Variants in CREBBP observed in about 807,000 individuals in gnomAD.
The protein encoded by CREBBP is CREB-binding protein.
In CREBBP, 19 loss-of-function variants were observed where a neutral mutation model predicts 265.0. The ratio of observed to expected loss-of-function variants is 0.07; its 90% confidence interval spans 0.05 to 0.11. The LOEUF (loss-of-function observed/expected upper bound fraction) is 0.11, where lower values mean the gene tolerates loss of function less well. Among genes scored for constraint, CREBBP ranks in the 10% least tolerant of loss-of-function variants. CREBBP has a pLI of 1.00. For synonymous variants in CREBBP, 1,457 were observed against 1,223.7 expected (o/e 1.19, Z -3.98); for missense variants, 2,525 against 3,219.0 (o/e 0.78, Z 5.22).
chr16:3,729,023 C>A lies in CREBBP; in HGVS notation c.6024G>T (p.Val2008=), dbSNP rs2151306646. Residue 2008 remains valine (V), a synonymous_variant, in exon 31 of 31, where the codon GTG becomes GTT. Coordinates refer to ENST00000262367, the MANE Select transcript of CREBBP (RefSeq NM_004380.3). The part of the protein sequence containing the change: ...VSLNVPRPNQ[V]SGPVMPSMPP... ...GCATGCTGGGCATGACGGGCCCGCT[C>A]ACCTGGTTGGGTCGGGGCACATTCA... 1 of 1,591,282 alleles carries A rather than the reference C, an allele frequency of 6.3e-7. No individual in the cohort carries two copies. Among genetic ancestry groups the A allele is most frequent in the Non-Finnish European group, 8.5e-7 (1 of 1,174,324 alleles).
At chr16:3,744,295 AG>A (rs2052288458) in intron 23 of CREBBP, among the ~76,000 whole-genome samples, 1 of 152,152 alleles carries the variant, frequency 6.6e-6, no homozygotes, top group Non-Finnish European at 1.5e-5. Context: ...GACCCACGGC[AG>A]CCCACATAGG....
rs2054752330 is a variant in CREBBP, at chr16:3,849,430, TGTGTGTGTG to T, written c.798+858_798+866del. Among the ~76,000 whole-genome samples, 6 of 8,576 alleles carry T rather than the reference TGTGTGTGTG, an allele frequency of 7.0e-4. No homozygotes were observed. In the Admixed American group the frequency reaches 9.8e-3, roughly 14 times the overall value. 5.6% of individuals were successfully genotyped at this position (8,576 alleles called of 152,430 possible). A position where few individuals can be genotyped will look rare whatever the true frequency, so the allele number is the denominator to read the frequency against. ...GTGTGTGTGTGTGTGTGTGTGTGTG[TGTGTGTGTG>T]TGTGTGTGTGTGTGTGTGTGTGTGT... is the stretch of plus-strand genomic sequence containing the variant. On this transcript the variant is annotated intron_variant, in intron 2 of 30. Coordinates refer to ENST00000262367, the MANE Select transcript of CREBBP (RefSeq NM_004380.3).
At position 3,727,756 on chromosome 16, in the gene CREBBP, T is replaced by C. The variant is rs775691341; in HGVS notation, c.7291A>G (p.Thr2431Ala). 6.2e-7 allele frequency: 1 copy of C among 1,614,118 alleles called. No individual in the cohort carries two copies. Among genetic ancestry groups the C allele is most frequent in the Non-Finnish European group, 8.5e-7 (1 of 1,180,014 alleles). ...SSELSLVGDTTGDTLEKFVEG... is the reference protein window; with the variant it reads ...SSELSLVGDTAGDTLEKFVEG... ...ACAAACTTCTCTAGCGTGTCCCCCGTGGTGTCCCCGACCAGGGACAGTTCG... is the reference window on the plus strand; with the variant it reads ...ACAAACTTCTCTAGCGTGTCCCCCGCGGTGTCCCCGACCAGGGACAGTTCG... The change falls in exon 31 of 31, where the codon ACG becomes GCG. Residue 2431 changes from threonine (T) to alanine (A), a missense_variant. Coordinates refer to ENST00000262367, the MANE Select transcript of CREBBP (RefSeq NM_004380.3).
chr16:3,835,002 C>CA (rs1389662513), intron 2 of CREBBP, among the ~76,000 whole-genome samples: 1 of 151,960 alleles, frequency 6.6e-6, no homozygotes, highest in African/African-American at 2.4e-5. Context: ...AGTAAAAATA[C>CA]AAAAAATTGG....
At chr16:3,761,352 A>C (rs2052712946) in intron 16 of CREBBP, among the ~76,000 whole-genome samples, 1 of 152,234 alleles carries the variant, frequency 6.6e-6, no homozygotes. Flanking sequence ...GGGAAGCGGC[A>C]AGCATCAGGT....
intron 1 of CREBBP, among the ~76,000 whole-genome samples, chr16:3,859,059 ATTTT>A (rs201630274): frequency 2.0e-5 from 3 of 149,698 alleles, no homozygotes; most frequent in Admixed American, 2.0e-4. Flanking sequence ...CTTTCTTTAG[ATTTT>A]TTTTTCATGG....
chr16:3,733,450 G>A (rs892717485), intron 28 of CREBBP, among the ~76,000 whole-genome samples: 5 of 151,832 alleles, frequency 3.3e-5, no homozygotes, highest in African/African-American at 1.2e-4. Flanking sequence ...TTCAGAGACA[G>A]AAAAGGGACG....
At chr16:3,774,490 T>C in intron 12 of CREBBP, 79 bp downstream of exon 12, 1 of 1,587,740 alleles carries the variant, frequency 6.3e-7, no homozygotes, top group South Asian at 1.1e-5. Flanking sequence ...GATTCTCAAG[T>C]GACATGAATT....
chr16:3,879,997 G>A lies in CREBBP; in HGVS notation c.-81C>T, dbSNP rs1453517233. 2.2e-6 allele frequency: 3 copies of A among 1,395,330 alleles called. No homozygotes were observed. 86.4% of individuals were successfully genotyped at this position (1,395,330 alleles called of 1,614,324 possible). On this transcript the variant is annotated 5_prime_UTR_variant, in exon 1 of 31. Coordinates refer to ENST00000262367, the MANE Select transcript of CREBBP (RefSeq NM_004380.3). ...CGGACGGGGGTCGGGGGCCCTGCCGGCTGCGAGGGAGAGGAGCGAGCGCGG... is the reference window on the plus strand; with the variant it reads ...CGGACGGGGGTCGGGGGCCCTGCCGACTGCGAGGGAGAGGAGCGAGCGCGG...
intron 2 of CREBBP, among the ~76,000 whole-genome samples, chr16:3,819,885 A>G (rs1006143679): frequency 6.6e-6 from 1 of 152,224 alleles, no homozygotes; most frequent in Non-Finnish European, 1.5e-5. Flanking sequence ...AAATGGATGC[A>G]ACTACCACTC....
chr16:3,774,785 T>C lies in CREBBP; in HGVS notation c.2159-92A>G, dbSNP rs187564377. The C allele has an allele frequency of 4.0e-4, 606 of 1,515,932 alleles. 1 individual carries two copies. In the African/African-American group the frequency reaches 7.2e-3, roughly 18 times the overall value. 93.9% of individuals were successfully genotyped at this position (1,515,932 alleles called of 1,614,324 possible). A position where few individuals can be genotyped will look rare whatever the true frequency, so the allele number is the denominator to read the frequency against. On this transcript the variant is annotated intron_variant, in intron 11 of 30. Coordinates refer to ENST00000262367, the MANE Select transcript of CREBBP (RefSeq NM_004380.3). ...AAATAAACTCTTAAGTAAAATAAGA[T>C]GGAACGCACAGGCAACAGAAAACTG... is the stretch of plus-strand genomic sequence containing the variant.
intron 3 of CREBBP, among the ~76,000 whole-genome samples, chr16:3,801,864 T>C (rs1392191505): frequency 6.6e-6 from 1 of 152,124 alleles, no homozygotes; most frequent in East Asian, 1.9e-4. Context: ...GAGGTGAGTA[T>C]GGTGTGAGAG....
intron 23 of CREBBP, among the ~76,000 whole-genome samples, chr16:3,744,238 G>T (rs1053952870): frequency 6.6e-6 from 1 of 152,142 alleles, no homozygotes; most frequent in Non-Finnish European, 1.5e-5. Flanking sequence ...GTTCCCAGAG[G>T]CCATGGCTCA....
At chr16:3,862,562 G>T (rs1234259736) in intron 1 of CREBBP, among the ~76,000 whole-genome samples, 4 of 152,186 alleles carry the variant, frequency 2.6e-5, no homozygotes, top group Non-Finnish European at 4.4e-5. Flanking sequence ...GTCATATGCT[G>T]TGTTTTGTAT....
chr16:3,790,357 G>T (rs2053477788), intron 5 of CREBBP, among the ~76,000 whole-genome samples: 1 of 143,878 alleles, frequency 7.0e-6, no homozygotes, highest in East Asian at 2.1e-4. Context: ...CTGACTTTTA[G>T]GAAACTGGCT....
At chr16:3,737,547 T>C (rs2052095811) in intron 26 of CREBBP, among the ~76,000 whole-genome samples, 1 of 150,798 alleles carries the variant, frequency 6.6e-6, no homozygotes, top group Admixed American at 6.6e-5. Context: ...GCATCCTCTG[T>C]CTCCCTGGTT....
At chr16:3,811,283 A>G (rs549449371) in intron 2 of CREBBP, among the ~76,000 whole-genome samples, 2 of 152,248 alleles carry the variant, frequency 1.3e-5, no homozygotes, top group South Asian at 4.1e-4. Flanking sequence ...CATGACCAAC[A>G]TGGGTTTGAA....
intron 1 of CREBBP, among the ~76,000 whole-genome samples, chr16:3,864,151 A>C (rs111344257): frequency 4.2e-4 from 64 of 152,346 alleles, no homozygotes; most frequent in African/African-American, 5.0e-4. Context: ...AAGAACAAGC[A>C]AACAGACATC....
intron 5 of CREBBP, among the ~76,000 whole-genome samples, chr16:3,785,659 G>A (rs573323866): frequency 4.6e-5 from 7 of 152,342 alleles, no homozygotes; most frequent in South Asian, 2.1e-4. Flanking sequence ...AGAAATGCAC[G>A]GAGATTGGTC....
Sources: allele counts gnomAD v4.1 joint callset (sites outside exome capture counted in the v4.1 genomes callset), GRCh38; gene constraint gnomAD v4.1.1; transcripts MANE v1.5; gene names NCBI Gene and HGNC (gene_info 2026-07-23, HGNC 2026-07-21).